Variants in SPTBN1 observed in about 807,000 individuals in gnomAD.
SPTBN1 encodes spectrin beta, non-erythrocytic 1, also known as spectrin beta chain, non-erythrocytic 1.
SPTBN1 carries 32 observed loss-of-function variants against 266.4 expected under a neutral mutation model. The ratio of observed to expected loss-of-function variants is 0.12; its 90% CI spans 0.09 to 0.16. The LOEUF (loss-of-function observed/expected upper bound fraction) is 0.16. Ranked by LOEUF, SPTBN1 falls within the 10% of genes least tolerant of loss-of-function variation. The pLI, the probability that SPTBN1 is intolerant of heterozygous loss-of-function variation, is 1.00. For missense variants in SPTBN1, 2,296 were observed against 3,067.1 expected (o/e 0.75, Z 5.94); for synonymous variants, 1,336 against 1,162.2 (o/e 1.15, Z -3.04).
At position 54,544,952 on chromosome 2, in the gene SPTBN1, G is replaced by T. The variant is rs549453902; in HGVS notation, c.148+18386G>T. Among the ~76,000 whole-genome samples, 4 of 152,170 alleles carry T rather than the reference G, an allele frequency of 2.6e-5. No individual in the cohort carries two copies. The East Asian group carries it at 5.8e-4, about 22-fold the overall frequency. On this transcript the variant is annotated intron_variant, in intron 2 of 35. Transcript: ENST00000356805. ...GCCCCCCACTCCCCAGTAGGCCCCA[G>T]GGTGTGATGTTCCCCGCCCTGTGTG... is the stretch of plus-strand genomic sequence containing the variant.
rs1673065026 is a variant in SPTBN1, at chr2:54,558,776, A to G, written c.148+32210A>G. The G allele has an allele frequency of 1.2e-6, 2 of 1,612,340 alleles. No homozygotes were observed. Among genetic ancestry groups the G allele is most frequent in the South Asian group, 1.1e-5 (1 of 90,952 alleles). On this transcript the variant is annotated intron_variant, in intron 2 of 35. Coordinates refer to ENST00000356805, the MANE Select transcript of SPTBN1 (RefSeq NM_003128.3). This position sits in a 1 kb window ranked among gnomAD's most constrained non-coding sequence, Gnocchi z 4.6. ...AGTCCTCCGGGGCGTTACGCCGGGC[A>G]TAATGGAATTGCAGAGGACGTCTAG...
intron 1 of SPTBN1, among the ~76,000 whole-genome samples, chr2:54,462,943 G>C (rs920192266): frequency 6.6e-6 from 1 of 152,198 alleles, no homozygotes; most frequent in African/African-American, 2.4e-5. Context: ...ACTACCACTC[G>C]ATTAAATCTG....
intron 1 of SPTBN1, among the ~76,000 whole-genome samples, chr2:54,488,744 G>A (rs1395098497): frequency 1.3e-5 from 2 of 152,090 alleles, no homozygotes; most frequent in East Asian, 1.9e-4. Flanking sequence ...TACATTTTGT[G>A]TAGGGAAAAA....
chr2:54,526,378 A>C lies in SPTBN1; in HGVS notation c.-41A>C. 1 of 1,608,460 alleles carries C rather than the reference A, an allele frequency of 6.2e-7. No individual in the cohort carries two copies. The highest frequency in any genetic ancestry group is 8.5e-7 in the Non-Finnish European group (1 of 1,177,048). ...TTCCTTTTCTTTCTCATAGAACTCT[A>C]AGAAGGAGCTGATGTGGAGGAGCAG... On this transcript the variant is annotated 5_prime_UTR_variant, in exon 2 of 36. Transcript: ENST00000356805.
intron 2 of SPTBN1, among the ~76,000 whole-genome samples, chr2:54,569,184 G>A (rs1238868848): frequency 7.9e-5 from 12 of 152,170 alleles, no homozygotes. Flanking sequence ...GGAACGGGGT[G>A]GGGGAGATAA....
chr2:54,652,033 T>C (rs1381933668), intron 26 of SPTBN1, among the ~76,000 whole-genome samples: 1 of 152,090 alleles, frequency 6.6e-6, no homozygotes, highest in Non-Finnish European at 1.5e-5. Context: ...ACTTAGCATT[T>C]CTCCATATTC....
intron 1 of SPTBN1, among the ~76,000 whole-genome samples, chr2:54,513,465 A>T (rs1035268307): frequency 1.3e-5 from 2 of 152,248 alleles, no homozygotes; most frequent in Admixed American, 6.5e-5. Context: ...GTTCAGGCAC[A>T]TATGATACTA....
chr2:54,571,546 TACACACACAC>T (rs71408769), intron 2 of SPTBN1, among the ~76,000 whole-genome samples: 104 of 134,312 alleles, frequency 7.7e-4, no homozygotes, highest in African/African-American at 2.6e-3. Context: ...TAATTGTATG[TACACACACAC>T]ACACACACAC....
At chr2:54,610,189 A>G (rs1677118174) in intron 3 of SPTBN1, among the ~76,000 whole-genome samples, 1 of 151,094 alleles carries the variant, frequency 6.6e-6, no homozygotes, top group African/African-American at 2.4e-5. Context: ...TCTTTCCGAA[A>G]TTATCAGACT....
At chr2:54,460,425 T>G (rs144678275) in intron 1 of SPTBN1, among the ~76,000 whole-genome samples, 6 of 152,332 alleles carry the variant, frequency 3.9e-5, no homozygotes, top group African/African-American at 1.4e-4. Flanking sequence ...TTATTTAGAT[T>G]AATCAGTGTT....
intron 11 of SPTBN1, 82 bp from the exon 12 acceptor site, chr2:54,625,850 C>A: frequency 1.3e-6 from 2 of 1,483,580 alleles, no homozygotes; most frequent in South Asian, 2.7e-5. Flanking sequence ...CTCGGCCTCC[C>A]AAAGTGCTGG....
At chr2:54,496,653 C>T (rs1029252541) in intron 1 of SPTBN1, among the ~76,000 whole-genome samples, 1 of 152,156 alleles carries the variant, frequency 6.6e-6, no homozygotes, top group East Asian at 1.9e-4. Flanking sequence ...AAATGATCAA[C>T]TTATATGAAA....
chr2:54,457,203 A>T (rs1257859806), intron 1 of SPTBN1: 5 of 123,624 alleles, frequency 4.0e-5, no homozygotes, highest in African/African-American at 6.1e-5. Context: ...GCTGGGCGTG[A>T]GCCGCCTCCG....
chr2:54,482,821 G>A (rs1668166731), intron 1 of SPTBN1, among the ~76,000 whole-genome samples: 2 of 152,166 alleles, frequency 1.3e-5, no homozygotes, highest in South Asian at 4.1e-4. Flanking sequence ...ACACAGGAAG[G>A]ACAGGCTTGG....
At chr2:54,648,341 T>A (rs1234705639) in intron 24 of SPTBN1, among the ~76,000 whole-genome samples, 1 of 152,074 alleles carries the variant, frequency 6.6e-6, no homozygotes, top group African/African-American at 2.4e-5. Context: ...GATATTCTGG[T>A]TTGTAGACCA....
chr2:54,468,659 G>T (rs936666919), intron 1 of SPTBN1, among the ~76,000 whole-genome samples: 3 of 152,112 alleles, frequency 2.0e-5, no homozygotes, highest in Non-Finnish European at 4.4e-5. Context: ...AAGGAAGAAA[G>T]AATTCAAAAA....
intron 2 of SPTBN1, among the ~76,000 whole-genome samples, chr2:54,593,568 A>G (rs1188669063): frequency 6.6e-6 from 1 of 152,026 alleles, no homozygotes; most frequent in Non-Finnish European, 1.5e-5. Context: ...ATTGTACAGC[A>G]TTGCAAAGAG....
rs545600275 is a variant in SPTBN1, at chr2:54,646,131, T to C, written c.4585-63T>C. On this transcript the variant is annotated intron_variant, in intron 22 of 35. Coordinates refer to ENST00000356805, the MANE Select transcript of SPTBN1 (RefSeq NM_003128.3). This position sits in a 1 kb window ranked among gnomAD's most constrained non-coding sequence, Gnocchi z 4.4. ...CTATTTCTTTCTGGCCCTAACAGCT[T>C]GACATAAGCAGCAGACGGCTGCCAT... 1,081 of 1,596,186 alleles carry C rather than the reference T, an allele frequency of 6.8e-4. 2 individuals carry two copies. Among genetic ancestry groups the C allele is most frequent in the Middle Eastern group, 8.4e-4 (5 of 5,960 alleles).
intron 1 of SPTBN1, among the ~76,000 whole-genome samples, chr2:54,503,668 C>T (rs1049052192): frequency 5.3e-5 from 8 of 152,170 alleles, no homozygotes; most frequent in African/African-American, 1.7e-4. Context: ...CAACTCTTTT[C>T]GAGTAACACA....
Sources: allele counts gnomAD v4.1 joint callset (sites outside exome capture counted in the v4.1 genomes callset), GRCh38; gene constraint gnomAD v4.1.1; non-coding constraint Gnocchi (gnomAD v3.1); transcripts MANE v1.5; gene names NCBI Gene and HGNC (gene_info 2026-07-23, HGNC 2026-07-21).